Variants in ERICH1 observed in about 807,000 individuals in gnomAD.
ERICH1 encodes the protein glutamate-rich protein 1.
Under a neutral mutation model 39.6 loss-of-function variants are expected in ERICH1, and 56 were observed. That is an observed-to-expected ratio of 1.41 (90% CI 1.14 to 1.77). The LOEUF (loss-of-function observed/expected upper bound fraction) is 1.77, where lower values mean the gene tolerates loss of function less well. Ranked by LOEUF, ERICH1 falls within the 40% of genes most tolerant of loss-of-function variation. The pLI, the probability that ERICH1 is intolerant of heterozygous loss-of-function variation, is 0.00. For synonymous variants in ERICH1, 313 were observed against 223.6 expected, an observed-to-expected ratio of 1.40 and a Z score of -3.57; for missense variants, 826 against 575.4, an observed-to-expected ratio of 1.44 and a Z score of -4.45.
At chr8:618,588 T>C (rs1315345135) in intron 3 of ERICH1, among the ~76,000 whole-genome samples, 1 of 152,188 alleles carries the variant, frequency 6.6e-6, no homozygotes, top group African/African-American at 2.4e-5. Context: ...TTCAGAGACC[T>C]TGGGCAACAT....
intron 4 of ERICH1, among the ~76,000 whole-genome samples, 155 bp downstream of exon 4, chr8:673,134 T>C (rs1235020135): frequency 2.0e-5 from 3 of 152,114 alleles, no homozygotes. Flanking sequence ...TTATTTACAT[T>C]GAATATTTTT....
At chr8:630,925 CA>C (rs1797986986) in intron 3 of ERICH1, among the ~76,000 whole-genome samples, 1 of 150,162 alleles carries the variant, frequency 6.7e-6, no homozygotes, top group Non-Finnish European at 1.5e-5. Flanking sequence ...CGTGACCACC[CA>C]CACAGACAGA....
intron 3 of ERICH1, among the ~76,000 whole-genome samples, chr8:623,066 C>T (rs936735292): frequency 1.3e-5 from 2 of 152,144 alleles, no homozygotes; most frequent in Non-Finnish European, 1.5e-5. Flanking sequence ...CTTCCCAACT[C>T]ATTTTATAGA....
intron 3 of ERICH1, among the ~76,000 whole-genome samples, chr8:653,352 G>A (rs1198704505): frequency 2.0e-5 from 3 of 152,204 alleles, no homozygotes; most frequent in South Asian, 2.1e-4. Flanking sequence ...ACCTAATTCA[G>A]GAGTCTGCGC....
intron 2 of ERICH1, among the ~76,000 whole-genome samples, chr8:704,972 C>G (rs1050069121): frequency 3.9e-5 from 6 of 152,100 alleles, no homozygotes; most frequent in African/African-American, 1.2e-4. Context: ...AAAAAAAGTT[C>G]AATATGGGCT....
At chr8:686,944 G>GT (rs1807549487) in intron 3 of ERICH1, among the ~76,000 whole-genome samples, 1 of 94,342 alleles carries the variant, frequency 1.1e-5, no homozygotes, top group Non-Finnish European at 2.3e-5. Flanking sequence ...GGAATGCGGA[G>GT]CGGGGGGCAG....
At chr8:688,254 ACCCCGCCCCCAGTTCCGCCCGTCCCCG>A (rs1354413384) in intron 3 of ERICH1, among the ~76,000 whole-genome samples, 2 of 62,310 alleles carry the variant, frequency 3.2e-5, no homozygotes, top group Non-Finnish European at 7.0e-5. Context: ...GTAAAGCGGC[ACCCCGCCCCCAGTTCCGCCCGTCCCCG>A]CCCCGCCCCG....
chr8:728,398 C>T (rs988052253), intron 1 of ERICH1, among the ~76,000 whole-genome samples: 2 of 152,168 alleles, frequency 1.3e-5, no homozygotes, highest in African/African-American at 4.8e-5. Context: ...GCAGTCACTC[C>T]TTCCAGGAGT....
chr8:703,586 A>T (rs917911941), intron 2 of ERICH1, among the ~76,000 whole-genome samples: 1 of 152,146 alleles, frequency 6.6e-6, no homozygotes, highest in African/African-American at 2.4e-5. Flanking sequence ...GAAGGCAAAG[A>T]CTCCATAAGA....
rs76223086 is a variant in ERICH1 at position 656,429 on chromosome 8, C to T, written c.976+12169G>A. 4.6e-5 allele frequency among the ~76,000 whole-genome samples: 7 copies of T among 152,334 alleles called. No individual in the cohort carries two copies. In the East Asian group the frequency reaches 1.4e-3, roughly 29 times the overall value. On this transcript the variant is annotated intron_variant, in intron 3 of 3. Coordinates refer to the ERICH1 transcript ENST00000522706. ...TTATTCCCTTGGGGACGACAAAGCA[C>T]TTTGCTAATTCTGTCATCTCTATGT...
downstream of ERICH1, among the ~76,000 whole-genome samples, chr8:662,589 G>C (rs912269928): frequency 3.3e-5 from 5 of 151,978 alleles, no homozygotes; most frequent in African/African-American, 1.2e-4. Context: ...TGGAGGTTGA[G>C]GTGAGCCGAG....
At chr8:710,209 G>A (rs1259498618) in intron 2 of ERICH1, among the ~76,000 whole-genome samples, 1 of 152,108 alleles carries the variant, frequency 6.6e-6, no homozygotes, top group African/African-American at 2.4e-5. Context: ...AATGAGATGC[G>A]CCCACCATGA....
downstream of ERICH1, among the ~76,000 whole-genome samples, chr8:663,165 TC>T (rs1230641865): frequency 1.4e-4 from 21 of 152,308 alleles, no homozygotes; most frequent in African/African-American, 4.8e-4. Flanking sequence ...TCCAGAAGGT[TC>T]CAACATGTAG....
intron 3 of ERICH1, chr8:615,749 G>A: frequency 6.5e-6 from 1 of 153,218 alleles, no homozygotes; most frequent in Non-Finnish European, 1.5e-5. Flanking sequence ...TGAGTGGAAT[G>A]ACAGAAAAAA....
At chr8:697,022 G>A (rs115470093) in intron 2 of ERICH1, among the ~76,000 whole-genome samples, 3,363 of 152,208 alleles carry the variant, frequency 0.022, 48 homozygotes, top group Middle Eastern at 0.034. Context: ...TGGAGCCCTC[G>A]GTGGGGATCT....
chr8:663,394 G>C (rs1309027366), downstream of ERICH1, among the ~76,000 whole-genome samples: 1 of 152,186 alleles, frequency 6.6e-6, no homozygotes, highest in African/African-American at 2.4e-5. Flanking sequence ...CTGGGGGAGT[G>C]GGGAGCCCAG....
chr8:676,688 C>G (rs999245172), intron 3 of ERICH1, among the ~76,000 whole-genome samples: 1 of 152,234 alleles, frequency 6.6e-6, no homozygotes, highest in Non-Finnish European at 1.5e-5. Context: ...CGCCCAGACA[C>G]TGATGGGTAA....
At chr8:658,056 G>C (rs887790744) in intron 3 of ERICH1, among the ~76,000 whole-genome samples, 4 of 152,236 alleles carry the variant, frequency 2.6e-5, no homozygotes. Flanking sequence ...AGGCTGGCAC[G>C]GCCCCTTTCT....
intron 1 of ERICH1, among the ~76,000 whole-genome samples, chr8:727,977 G>C (rs1819168589): frequency 6.6e-6 from 1 of 152,188 alleles, no homozygotes; most frequent in Non-Finnish European, 1.5e-5. Context: ...CATGCAGGGA[G>C]ACAGGGAGCG....
Sources: allele counts gnomAD v4.1 joint callset (sites outside exome capture counted in the v4.1 genomes callset), GRCh38; gene constraint gnomAD v4.1.1; transcripts MANE v1.5; gene names NCBI Gene and HGNC (gene_info 2026-07-23, HGNC 2026-07-21).